DNAH2: variants seen among roughly 807,000 people sequenced by gnomAD.
The protein encoded by DNAH2 is dynein axonemal heavy chain 2, also known as axonemal beta dynein heavy chain 2.
Under a neutral mutation model 523.5 loss-of-function variants are expected in DNAH2, and 323 were observed. The observed-to-expected ratio is 0.62, with a 90% CI of 0.56 to 0.68. DNAH2 has a LOEUF of 0.68. DNAH2 is among the 30% of genes least tolerant of loss of function. The probability of loss-of-function intolerance (pLI) is 0.00; values close to 1 mark genes in which losing one functional copy is unlikely to be tolerated. For missense variants in DNAH2, 4,907 were observed against 5,701.5 expected (o/e 0.86, Z 4.49); for synonymous variants, 2,093 against 2,177.4 (o/e 0.96, Z 1.08).
intron 73 of DNAH2, among the ~76,000 whole-genome samples, chr17:7,822,426 T>C (rs1229010278): frequency 6.6e-6 from 1 of 152,184 alleles, no homozygotes; most frequent in Non-Finnish European, 1.5e-5. Flanking sequence ...TGCGTGGCCA[T>C]GCCTTCTGCT....
intron 30 of DNAH2, 150 bp downstream of exon 30, chr17:7,775,492 C>G (rs1044633105): frequency 7.2e-6 from 5 of 693,818 alleles, no homozygotes; most frequent in Non-Finnish European, 9.6e-6. Flanking sequence ...TTGAGACCAG[C>G]CTGACCAACA....
intron 44 of DNAH2, among the ~76,000 whole-genome samples, chr17:7,790,605 C>T (rs978890795): frequency 2.0e-5 from 3 of 152,176 alleles, no homozygotes; most frequent in African/African-American, 7.2e-5. Context: ...TCATATAAAG[C>T]TAAAGTCCTT....
At chr17:7,802,068 G>A in intron 58 of DNAH2, 51 bp downstream of exon 58, 1 of 1,606,170 alleles carries the variant, frequency 6.2e-7, no homozygotes, top group Non-Finnish European at 8.5e-7. Flanking sequence ...GGTGTCTTCT[G>A]AGGGCGATGG....
At chr17:7,797,920 TC>T in intron 53 of DNAH2, 91 bp downstream of exon 53, 1 of 1,503,758 alleles carries the variant, frequency 6.7e-7, no homozygotes, top group Admixed American at 2.2e-5. Context: ...GTCTCCCAAA[TC>T]AAGTTCCAGA....
At position 7,733,475 on chromosome 17, in the gene DNAH2, C is replaced by CTTTTTTTTTTTTTTTTTTTTT. The variant is rs1199721840; in HGVS notation, c.628+180_628+181insTTTTTTTTTTTTTTTTTTTTT. ...AGGGTACAAGATCCGCCTTCTTCTTCTTTTTTTTTTTTTTTTTTTTGAGAT... is the reference window on the plus strand; with the variant it reads ...AGGGTACAAGATCCGCCTTCTTCTTCTTTTTTTTTTTTTTTTTTTTTTTTTTTTTTTTTTTTTTTTTGAGAT... On this transcript the variant is annotated intron_variant, in intron 5 of 85. Coordinates refer to ENST00000572933, the MANE Select transcript of DNAH2 (RefSeq NM_020877.5). Among the ~76,000 whole-genome samples, 714 of 113,826 alleles carry CTTTTTTTTTTTTTTTTTTTTT rather than the reference C, an allele frequency of 6.3e-3. 36 individuals are homozygous for CTTTTTTTTTTTTTTTTTTTTT. The highest frequency in any genetic ancestry group is 0.011 in the Non-Finnish European group (588 of 52,434). The allele number at this position is 113,826 out of a possible 152,430, so 74.7% of individuals were successfully genotyped here.
In DNAH2 at chr17:7,823,599, A is replaced by G. The variant is rs760887403; in HGVS notation, c.11300A>G (p.Asn3767Ser). ...CGTGACTGGCACCTGTGGTATACCA[A>G]TGCTGCCCCGGAGAAGGCGATGCTG... ...YPRDWHLWYT[N>S]AAPEKAMLPG... is the part of the protein sequence containing the mutation. Residue 3767 changes from asparagine to serine, a missense_variant, in exon 74 of 86, where the codon AAT becomes AGT. Coordinates refer to ENST00000572933, the MANE Select transcript of DNAH2 (RefSeq NM_020877.5). 5.6e-5 allele frequency: 90 copies of G among 1,613,970 alleles called. No individual in the cohort carries two copies. Among genetic ancestry groups the G allele is most frequent in the African/African-American group, 9.3e-5 (7 of 74,892 alleles).
At position 7,826,027 on chromosome 17, in the gene DNAH2, G is replaced by A. The variant is rs544837442; in HGVS notation, c.11853+1300G>A. Among the ~76,000 whole-genome samples the A allele has an allele frequency of 1.8e-4, 28 of 152,310 alleles. No homozygotes were observed. In the East Asian group the frequency reaches 5.4e-3, roughly 29 times the overall value. On this transcript the variant is annotated intron_variant, in intron 77 of 85. Transcript: ENST00000572933. ...TGAGCTCAGGAAGGTTAGATATGGA[G>A]TTCAGGTATGATAACCCTGGCTAGA... is the stretch of plus-strand genomic sequence containing the variant.
chr17:7,805,536 C>A, intron 61 of DNAH2, 143 bp downstream of exon 61: 1 of 1,236,172 alleles, frequency 8.1e-7, no homozygotes, highest in Non-Finnish European at 1.1e-6. Flanking sequence ...AGAAAGGAGA[C>A]CGCATGAATA....
intron 51 of DNAH2, 66 bp from the exon 52 acceptor site, chr17:7,797,334 G>A (rs2077093727): frequency 6.2e-7 from 1 of 1,613,262 alleles, no homozygotes; most frequent in African/African-American, 1.3e-5. Flanking sequence ...TTCCCAGCCT[G>A]ACACTGCCTT....
chr17:7,824,406 C>G, intron 76 of DNAH2, 102 bp downstream of exon 76: 1 of 1,437,888 alleles, frequency 7.0e-7, no homozygotes, highest in Non-Finnish European at 9.2e-7. Flanking sequence ...CCCACTTCTA[C>G]AGAGGGCCCC....
Position 7,754,963 on chromosome 17 carries a change from G to GAA in DNAH2, c.1905-2128_1905-2127insAA. On this transcript the variant is annotated intron_variant, in intron 12 of 85. Coordinates refer to ENST00000572933, the MANE Select transcript of DNAH2 (RefSeq NM_020877.5). The surrounding 1 kb of genome is among the most constrained non-coding windows in gnomAD (Gnocchi z 4.6). The stretch of plus-strand genomic sequence containing the variant: ...CGCTATTGGTACAAATAAGCCTGAG[G>GAA]CAGAAAAAAAAAAAAAAAGAATAGG... 1 of 388,928 alleles carries GAA rather than the reference G, an allele frequency of 2.6e-6. No homozygotes were observed. The allele number at this position is 388,928 out of a possible 1,614,324, so 24.1% of individuals were successfully genotyped here.
In DNAH2 at chr17:7,718,408, C is replaced by CA. The variant is rs1313150909; in HGVS notation, c.-405dup. 2.0e-5 allele frequency: 3 copies of CA among 152,198 alleles called. No individual in the cohort carries two copies. The highest frequency in any genetic ancestry group is 7.2e-5 in the African/African-American group (3 of 41,432). 9.4% of individuals were successfully genotyped at this position (152,198 alleles called of 1,614,324 possible). On this transcript the variant is annotated 5_prime_UTR_variant, in exon 1 of 86. It introduces an in-frame stop codon into an upstream open reading frame of the 5' UTR. Transcript: ENST00000572933. The stretch of plus-strand genomic sequence containing the variant: ...CATAACCTGAGATCAATGCCTGTGG[C>CA]AGCCTGTGGGGATGAGGAAGGAGAG...
Position 7,755,031 on chromosome 17 carries a change from G to A in DNAH2, c.1905-2060G>A, listed in dbSNP as rs79660834. 1,056 of 341,178 alleles carry A rather than the reference G, an allele frequency of 3.1e-3. 5 individuals are homozygous for A. The highest frequency in any genetic ancestry group is 0.016 in the African/African-American group (776 of 47,680). The allele number at this position is 341,178 out of a possible 1,614,324, so 21.1% of individuals were successfully genotyped here. A position where few individuals can be genotyped will look rare whatever the true frequency, so the allele number is the denominator to read the frequency against. On this transcript the variant is annotated intron_variant, in intron 12 of 85. Transcript: ENST00000572933. ...TTAGCCTTGGGTGGGAGGAGGGACT[G>A]TCCTATCATAAATGGGAGAAATTGT...
chr17:7,769,871 T>C (rs2151219293), intron 24 of DNAH2, among the ~76,000 whole-genome samples: 1 of 152,362 alleles, frequency 6.6e-6, no homozygotes, highest in African/African-American at 2.4e-5. Context: ...GCTTACATTA[T>C]TTAACCTCTC....
chr17:7,817,444 G>C, intron 65 of DNAH2, 29 bp downstream of exon 65: 1 of 1,613,634 alleles, frequency 6.2e-7, no homozygotes, highest in East Asian at 2.2e-5. Context: ...ATGACAAGTA[G>C]GCTCCGAGAC....
At chr17:7,773,825 G>A (rs944681317) in intron 28 of DNAH2, among the ~76,000 whole-genome samples, 3 of 152,086 alleles carry the variant, frequency 2.0e-5, no homozygotes, top group African/African-American at 4.8e-5. Flanking sequence ...TGCCTTCTGG[G>A]TTTAAGCAAT....
chr17:7,720,843 C>T (rs963015513), intron 2 of DNAH2, among the ~76,000 whole-genome samples: 6 of 151,782 alleles, frequency 4.0e-5, no homozygotes, highest in Non-Finnish European at 7.4e-5. Context: ...TGGGATTGCT[C>T]GCTGCTAGGA....
intron 4 of DNAH2, 34 bp downstream of exon 4, chr17:7,727,326 C>T (rs368777544): frequency 5.5e-5 from 87 of 1,576,664 alleles, no homozygotes; most frequent in Non-Finnish European, 7.3e-5. Context: ...CAAAGGTGGT[C>T]CTACAGAGAG....
intron 55 of DNAH2, 82 bp from the exon 56 acceptor site, chr17:7,799,021 C>G (rs566456766): frequency 3.2e-6 from 5 of 1,545,164 alleles, no homozygotes; most frequent in Non-Finnish European, 4.4e-6. Context: ...GGAAACACTT[C>G]GTCAGCCCCA....
Sources: gnomAD v4.1 joint callset for allele counts (sites outside exome capture counted in the v4.1 genomes callset) on GRCh38, gnomAD v4.1.1 for gene constraint, Gnocchi (gnomAD v3.1) non-coding constraint, MANE v1.5 for transcripts, NCBI Gene and HGNC (gene_info 2026-07-23, HGNC 2026-07-21) for gene names.